SH3PXD2A: variants seen among roughly 807,000 people sequenced by gnomAD.
The protein encoded by SH3PXD2A is SH3 and PX domain-containing protein 2A.
A neutral mutation model predicts 115.2 loss-of-function variants in SH3PXD2A; 32 were observed. That is an observed-to-expected ratio of 0.28 (90% confidence interval 0.21 to 0.37). The LOEUF (loss-of-function observed/expected upper bound fraction) is 0.37. SH3PXD2A is among the 10% of genes least tolerant of loss of function. The pLI is 1.00. For synonymous variants in SH3PXD2A, 610 were observed against 629.1 expected, an observed-to-expected ratio of 0.97 and a Z score of 0.45; for missense variants, 1,328 against 1,498.7, an observed-to-expected ratio of 0.89 and a Z score of 1.88.
intron 14 of SH3PXD2A, among the ~76,000 whole-genome samples, chr10:103,604,699 C>T (rs996903579): frequency 3.3e-5 from 5 of 152,172 alleles, no homozygotes; most frequent in Non-Finnish European, 5.9e-5. Flanking sequence ...CTGCATCCCC[C>T]ACTAGAAGAG....
intron 3 of SH3PXD2A, among the ~76,000 whole-genome samples, chr10:103,765,299 T>C (rs748233419): frequency 3.9e-5 from 6 of 152,126 alleles, no homozygotes; most frequent in Non-Finnish European, 7.4e-5. Flanking sequence ...CAGGCCCCCC[T>C]CGTTCAGGAG....
chr10:103,777,479 T>TA, intron 2 of SH3PXD2A, among the ~76,000 whole-genome samples: 1 of 152,230 alleles, frequency 6.6e-6, no homozygotes, highest in East Asian at 1.9e-4. Flanking sequence ...TCCCAGCAGC[T>TA]CATTCCGTGG....
At chr10:103,637,523 A>G (rs896153440) in intron 8 of SH3PXD2A, among the ~76,000 whole-genome samples, 1 of 152,062 alleles carries the variant, frequency 6.6e-6, no homozygotes, top group Non-Finnish European at 1.5e-5. Flanking sequence ...TCCTCCTCAT[A>G]TAGGCTCGGG....
chr10:103,853,780 A>G (rs1842916776), intron 1 of SH3PXD2A, among the ~76,000 whole-genome samples: 1 of 152,238 alleles, frequency 6.6e-6, no homozygotes. Context: ...ACTACAAATG[A>G]GAACCCTTAA....
chr10:103,848,127 C>CAG (rs1554930142), intron 1 of SH3PXD2A, among the ~76,000 whole-genome samples: 2 of 152,224 alleles, frequency 1.3e-5, no homozygotes, highest in East Asian at 1.9e-4. Context: ...GGAAATTACT[C>CAG]CACCTGAAAC....
rs907279183 is a variant in SH3PXD2A, at chr10:103,659,525, G to T, written c.604+1458C>A. Among the ~76,000 whole-genome samples, 3 of 152,182 alleles carry T rather than the reference G, an allele frequency of 2.0e-5. No homozygotes were observed. The East Asian group carries it at 5.8e-4, about 29-fold the overall frequency. The stretch of plus-strand genomic sequence containing the variant: ...GAGCCAGACCCCCATGACATTGCTA[G>T]CTTACTTTGCGGGCAGGGACGTGGC... On this transcript the variant is annotated intron_variant, in intron 8 of 14. Transcript: ENST00000369774.
intron 2 of SH3PXD2A, among the ~76,000 whole-genome samples, chr10:103,792,748 G>A (rs1190218993): frequency 6.6e-6 from 1 of 152,118 alleles, no homozygotes; most frequent in African/African-American, 2.4e-5. Context: ...GTTTCGTCAT[G>A]ACACAAGAAC....
chr10:103,658,831 G>A (rs1042948290), intron 8 of SH3PXD2A, among the ~76,000 whole-genome samples: 23 of 152,222 alleles, frequency 1.5e-4, no homozygotes, highest in African/African-American at 5.5e-4. Flanking sequence ...GAGGTCATTT[G>A]CTCCAGCCCC....
chr10:103,770,208 C>T (rs2038803241), intron 2 of SH3PXD2A, among the ~76,000 whole-genome samples: 1 of 152,108 alleles, frequency 6.6e-6, no homozygotes, highest in African/African-American at 2.4e-5. Flanking sequence ...ACTTTCATAT[C>T]AATGTTCTTT....
chr10:103,698,551 T>C (rs1027175979), intron 5 of SH3PXD2A, among the ~76,000 whole-genome samples: 2 of 152,154 alleles, frequency 1.3e-5, no homozygotes, highest in Admixed American at 1.3e-4. Flanking sequence ...ACTGGGGACA[T>C]GGGCACTATC....
At chr10:103,797,153 C>T (rs1193398844) in intron 2 of SH3PXD2A, among the ~76,000 whole-genome samples, 1 of 152,156 alleles carries the variant, frequency 6.6e-6, no homozygotes, top group Non-Finnish European at 1.5e-5. Flanking sequence ...CATGAACCAC[C>T]ACGCCCAGTG....
chr10:103,636,081 T>C (rs2036859503), intron 8 of SH3PXD2A, among the ~76,000 whole-genome samples: 1 of 152,098 alleles, frequency 6.6e-6, no homozygotes, highest in Admixed American at 6.5e-5. Context: ...CTCTCTCAAA[T>C]TGACTGATGC....
chr10:103,669,647 A>T (rs998268753), intron 6 of SH3PXD2A, among the ~76,000 whole-genome samples: 3 of 152,224 alleles, frequency 2.0e-5, no homozygotes, highest in Admixed American at 2.0e-4. Context: ...ACATGGAACC[A>T]GGTCTGGTGG....
intron 2 of SH3PXD2A, among the ~76,000 whole-genome samples, chr10:103,785,614 A>T (rs904274933): frequency 3.9e-5 from 6 of 152,062 alleles, no homozygotes; most frequent in African/African-American, 1.4e-4. Flanking sequence ...CAGCCTCCCC[A>T]TCAGGTGCCA....
chr10:103,793,671 G>A (rs1193920332), intron 2 of SH3PXD2A, among the ~76,000 whole-genome samples: 1 of 152,234 alleles, frequency 6.6e-6, no homozygotes, highest in Non-Finnish European at 1.5e-5. Flanking sequence ...GCCACACCAG[G>A]TGTGCTGGAG....
In SH3PXD2A at chr10:103,832,646, C is replaced by T. The variant is rs569124489; in HGVS notation, c.72+22549G>A. Reference sequence around the variant, plus strand: ...GAAACCATCATTCTCAGCAAACTATCGCAAGGACAAAAAACCAAACATCGC... The same window carrying T: ...GAAACCATCATTCTCAGCAAACTATTGCAAGGACAAAAAACCAAACATCGC... On this transcript the variant is annotated intron_variant, in intron 1 of 14. Coordinates refer to ENST00000369774, the MANE Select transcript of SH3PXD2A (RefSeq NM_001394015.1). Among the ~76,000 whole-genome samples the T allele has an allele frequency of 6.6e-5, 10 of 152,194 alleles. No individual in the cohort carries two copies. The South Asian group carries it at 8.3e-4, about 13-fold the overall frequency.
Position 103,627,887 on chromosome 10 carries a change from C to G in SH3PXD2A, c.605-685G>C, listed in dbSNP as rs547522582. On this transcript the variant is annotated intron_variant, in intron 8 of 14. Transcript: ENST00000369774. This position sits in a 1 kb window ranked among gnomAD's most constrained non-coding sequence, Gnocchi z 4.4. ...GCCTTTGGTCCCTTCCGAGAAGGTCCTCTTCACACGGTCCTGTCTTCCTCC... is the reference window on the plus strand; with the variant it reads ...GCCTTTGGTCCCTTCCGAGAAGGTCGTCTTCACACGGTCCTGTCTTCCTCC... 1.3e-5 allele frequency among the ~76,000 whole-genome samples: 2 copies of G among 152,360 alleles called. No homozygotes were observed. The highest frequency in any genetic ancestry group is 4.1e-4 in the South Asian group (2 of 4,826).
chr10:103,725,007 A>ATT (rs2038223386), intron 4 of SH3PXD2A, among the ~76,000 whole-genome samples: 1 of 152,204 alleles, frequency 6.6e-6, no homozygotes, highest in Non-Finnish European at 1.5e-5. Context: ...TGACCACAAA[A>ATT]TTAATTATTT....
At position 103,746,635 on chromosome 10, in the gene SH3PXD2A, C is replaced by G. The variant is rs1589438704; in HGVS notation, c.230-10827G>C. ...CAGAATAATATTCTCAAACCATAACCCTTGCTTAACCCTTTCAGTGACTGC... is the reference window on the plus strand; with the variant it reads ...CAGAATAATATTCTCAAACCATAACGCTTGCTTAACCCTTTCAGTGACTGC... On this transcript the variant is annotated intron_variant, in intron 3 of 14. Transcript: ENST00000369774. The surrounding 1 kb of genome is among the most constrained non-coding windows in gnomAD (Gnocchi z 4.4). 6.6e-6 allele frequency among the ~76,000 whole-genome samples: 1 copy of G among 152,152 alleles called. No homozygotes were observed. The highest frequency in any genetic ancestry group is 6.6e-5 in the Admixed American group (1 of 15,266).
Sources: gnomAD v4.1 joint callset for allele counts (sites outside exome capture counted in the v4.1 genomes callset) on GRCh38, gnomAD v4.1.1 for gene constraint, Gnocchi (gnomAD v3.1) non-coding constraint, MANE v1.5 for transcripts, NCBI Gene and HGNC (gene_info 2026-07-23, HGNC 2026-07-21) for gene names.